Variants in CCDC62 observed in about 807,000 individuals in gnomAD.
The protein encoded by CCDC62 is coiled-coil domain-containing protein 62.
CCDC62 carries 72 observed loss-of-function variants against 80.8 expected under a neutral mutation model. The ratio of observed to expected loss-of-function variants is 0.89; its 90% CI spans 0.74 to 1.08. The LOEUF (loss-of-function observed/expected upper bound fraction) is 1.08. Ranked by LOEUF, CCDC62 falls within the 50% of genes least tolerant of loss-of-function variation. The pLI is 0.00. For synonymous variants in CCDC62, 286 were observed against 296.5 expected, an observed-to-expected ratio of 0.96 and a Z score of 0.36; for missense variants, 704 against 809.4, an observed-to-expected ratio of 0.87 and a Z score of 1.58.
intron 11 of CCDC62, among the ~76,000 whole-genome samples, chr12:122,816,311 G>T (rs933567540): frequency 6.6e-6 from 1 of 152,182 alleles, no homozygotes; most frequent in African/African-American, 2.4e-5. Context: ...AAACTATTTT[G>T]GTGCTTAGCT....
intron 9 of CCDC62, among the ~76,000 whole-genome samples, chr12:122,804,980 G>A (rs568489127): frequency 6.6e-6 from 1 of 151,032 alleles, no homozygotes; most frequent in Non-Finnish European, 1.5e-5. Context: ...TGCCTCCCGG[G>A]TTCAAGCGAT....
At chr12:122,805,045 C>T (rs2031513262) in intron 9 of CCDC62, among the ~76,000 whole-genome samples, 9 of 151,604 alleles carry the variant, frequency 5.9e-5, no homozygotes, top group Admixed American at 4.6e-4. Flanking sequence ...CCACCATGCC[C>T]GGCTGATTTT....
rs2032489850 is a variant in CCDC62 at position 122,823,375 on chromosome 12, G to T, written c.2011G>T (p.Val671Phe). 6 of 1,612,872 alleles carry T rather than the reference G, an allele frequency of 3.7e-6. No individual in the cohort carries two copies. The East Asian group carries it at 1.3e-4, about 36-fold the overall frequency. The change falls in exon 12 of 13, where the codon GTC (valine) becomes TTC (phenylalanine). Residue 671 changes from valine to phenylalanine, a missense_variant. Coordinates refer to ENST00000253079, the MANE Select transcript of CCDC62 (RefSeq NM_201435.5). ...LTGSATNKSEVPEESAQKNTF... is the reference protein window; with the variant it reads ...LTGSATNKSEFPEESAQKNTF... ...GGGAGTTGTTTTCTAGAAGTCAGAGGTCCCAGAAGAGTCAGCTCAAAAAAA... is the reference window on the plus strand; with the variant it reads ...GGGAGTTGTTTTCTAGAAGTCAGAGTTCCCAGAAGAGTCAGCTCAAAAAAA...
intron 3 of CCDC62, 82 bp from the exon 4 acceptor site, chr12:122,785,637 A>G (rs2030164049): frequency 2.2e-6 from 2 of 919,782 alleles, no homozygotes; most frequent in Admixed American, 3.8e-5. Context: ...AAAATAGAGA[A>G]GTAAGCGCAG....
At chr12:122,784,506 C>T (rs1486244567) in intron 3 of CCDC62, among the ~76,000 whole-genome samples, 3 of 151,104 alleles carry the variant, frequency 2.0e-5, no homozygotes, top group Non-Finnish European at 2.9e-5. Context: ...GGCAACAGAG[C>T]GAGACTCCGT....
At chr12:122,800,156 C>A (rs2031207485) in intron 8 of CCDC62, among the ~76,000 whole-genome samples, 1 of 150,044 alleles carries the variant, frequency 6.7e-6, no homozygotes, top group East Asian at 2.0e-4. Flanking sequence ...CGCCACCATG[C>A]CCGGCTACTT....
In CCDC62 at chr12:122,793,606, T is replaced by TA. The variant is rs1473148004; in HGVS notation, c.772+1486dup. On this transcript the variant is annotated intron_variant, in intron 6 of 12. Coordinates refer to ENST00000253079, the MANE Select transcript of CCDC62 (RefSeq NM_201435.5). ...AGGAATCCTCCCGCCTTGGCCTTCC[T>TA]AGTAGCCTGGCTAAATTTTTAATTT... Among the ~76,000 whole-genome samples the TA allele has an allele frequency of 2.0e-5, 3 of 152,160 alleles. No homozygotes were observed. The East Asian group carries it at 5.8e-4, about 29-fold the overall frequency.
At chr12:122,803,182 C>A (rs1368496946) in intron 9 of CCDC62, among the ~76,000 whole-genome samples, 1 of 152,178 alleles carries the variant, frequency 6.6e-6, no homozygotes, top group Non-Finnish European at 1.5e-5. Flanking sequence ...AGCTCTTATC[C>A]AGGGTCACTT....
chr12:122,787,476 T>G (rs2649900), intron 4 of CCDC62, among the ~76,000 whole-genome samples: 140,478 of 150,336 alleles, frequency 0.93, 65,774 homozygotes, highest in East Asian at 0.99. Flanking sequence ...AGAAGGTCGG[T>G]CGTGGTGGCT....
chr12:122,792,070 A>T lies in CCDC62; in HGVS notation c.721A>T (p.Ile241Phe). Residue 241 changes from isoleucine to phenylalanine, a missense_variant, in exon 6 of 13, where the codon ATT becomes TTT. Ile to Phe is a conservative substitution (Grantham distance 21). Transcript: ENST00000253079. ...AAATAATGAGCAACGAGAAGAGATCATTCGCCTCAAGCAAGAGAAAAGTTG... is the reference window on the plus strand; with the variant it reads ...AAATAATGAGCAACGAGAAGAGATCTTTCGCCTCAAGCAAGAGAAAAGTTG... ...TENNEQREEI[I>F]RLKQEKSCLH... is the part of the protein sequence containing the mutation. 1 of 1,614,146 alleles carries T rather than the reference A, an allele frequency of 6.2e-7. No homozygotes were observed. The highest frequency in any genetic ancestry group is 1.1e-5 in the South Asian group (1 of 91,086).
Position 122,814,206 on chromosome 12 carries a change from C to T in CCDC62, c.2001+787C>T, listed in dbSNP as rs576725287. On this transcript the variant is annotated intron_variant, in intron 11 of 12. Coordinates refer to ENST00000253079, the MANE Select transcript of CCDC62 (RefSeq NM_201435.5). ...TGAGACAGGAGAATTGCTTGAACCC[C>T]GGAGGTGGAGGTTATGGTAAGCCGA... 1.8e-3 allele frequency among the ~76,000 whole-genome samples: 261 copies of T among 147,624 alleles called. 2 individuals carry two copies. The highest frequency in any genetic ancestry group is 6.2e-3 in the African/African-American group (245 of 39,618).
In CCDC62 at chr12:122,826,654, G is replaced by A; in HGVS notation, c.*273G>A. The A allele has an allele frequency of 6.7e-6, 3 of 446,302 alleles. No homozygotes were observed. Among genetic ancestry groups the A allele is most frequent in the Non-Finnish European group, 3.9e-6 (1 of 253,750 alleles). 27.6% of individuals were successfully genotyped at this position (446,302 alleles called of 1,614,324 possible). A position where few individuals can be genotyped will look rare whatever the true frequency, so the allele number is the denominator to read the frequency against. ...GACCTTATTGTACATATAGAAAGTT[G>A]GAATTATGCTAAGAATGAAAAAGAC... is the stretch of plus-strand genomic sequence containing the variant. On this transcript the variant is annotated 3_prime_UTR_variant, in exon 13 of 13. Transcript: ENST00000253079.
At position 122,792,350 on chromosome 12, in the gene CCDC62, A is replaced by G. The variant is rs1725344990; in HGVS notation, c.772+229A>G. ...ATTCTCCTGCCTCAGCCTCCTTAGTAGCTGGGGTTACTGGTATGAGCCACC... is the reference window on the plus strand; with the variant it reads ...ATTCTCCTGCCTCAGCCTCCTTAGTGGCTGGGGTTACTGGTATGAGCCACC... On this transcript the variant is annotated intron_variant, in intron 6 of 12. Transcript: ENST00000253079. Among the ~76,000 whole-genome samples, 4 of 151,322 alleles carry G rather than the reference A, an allele frequency of 2.6e-5. No homozygotes were observed. The South Asian group carries it at 8.3e-4, about 32-fold the overall frequency.
At position 122,812,786 on chromosome 12, in the gene CCDC62, A is replaced by AGAAAGAAG. The variant is rs1555258002; in HGVS notation, c.1852-477_1852-476insGGAAAGAA. On this transcript the variant is annotated intron_variant, in intron 10 of 12. Coordinates refer to ENST00000253079, the MANE Select transcript of CCDC62 (RefSeq NM_201435.5). The stretch of plus-strand genomic sequence containing the variant: ...GAGAGAGAGAGAGAGAGAGAAAGAA[A>AGAAAGAAG]GAAAGAAAGAAAGAAAGAAAGAAAG... 7.0e-5 allele frequency among the ~76,000 whole-genome samples: 8 copies of AGAAAGAAG among 113,628 alleles called. No homozygotes were observed. The East Asian group carries it at 1.4e-3, about 20-fold the overall frequency. 74.5% of individuals were successfully genotyped at this position (113,628 alleles called of 152,430 possible). A position where few individuals can be genotyped will look rare whatever the true frequency, so the allele number is the denominator to read the frequency against.
intron 3 of CCDC62, 34 bp from the exon 4 acceptor site, chr12:122,785,685 C>A: frequency 7.3e-7 from 1 of 1,375,380 alleles, no homozygotes; most frequent in Non-Finnish European, 1.0e-6. Flanking sequence ...TTTAAAAGGA[C>A]TCAAGCAGTA....
chr12:122,777,488 T>G lies in CCDC62; in HGVS notation c.37-3T>G. 1 of 1,602,770 alleles carries G rather than the reference T, an allele frequency of 6.2e-7. No individual in the cohort carries two copies. The highest frequency in any genetic ancestry group is 8.5e-7 in the Non-Finnish European group (1 of 1,173,318). On this transcript the variant is annotated splice_polypyrimidine_tract_variant and splice_region_variant and intron_variant, in intron 1 of 12. Coordinates refer to ENST00000253079, the MANE Select transcript of CCDC62 (RefSeq NM_201435.5). ...TTGATGTGAAACCGCTTTCTATGTT[T>G]AGAACATCGGGTCAGAAGTTGAGAT...
intron 3 of CCDC62, 138 bp downstream of exon 3, chr12:122,781,468 C>T: frequency 1.4e-6 from 1 of 730,566 alleles, no homozygotes; most frequent in Non-Finnish European, 2.3e-6. Flanking sequence ...GGTGGATCAC[C>T]TGAGGTCAGG....
intron 11 of CCDC62, among the ~76,000 whole-genome samples, chr12:122,818,447 T>C (rs2135591224): frequency 7.4e-6 from 1 of 135,652 alleles, no homozygotes; most frequent in African/African-American, 3.1e-5. Flanking sequence ...AGCGAGACTC[T>C]GTCTCAAAAA....
At chr12:122,786,247 A>G (rs2030220320) in intron 4 of CCDC62, among the ~76,000 whole-genome samples, 1 of 152,118 alleles carries the variant, frequency 6.6e-6, no homozygotes. Flanking sequence ...TCCCAGGTTC[A>G]CGCCATTCTC....
Sources: allele counts gnomAD v4.1 joint callset (sites outside exome capture counted in the v4.1 genomes callset), GRCh38; gene constraint gnomAD v4.1.1; transcripts MANE v1.5; gene names NCBI Gene and HGNC (gene_info 2026-07-23, HGNC 2026-07-21).